The following ZNF329 variants were observed in gnomAD, a reference collection of about 807,000 sequenced individuals.
ZNF329 encodes the protein zinc finger protein 329.
In ZNF329, 15 loss-of-function variants were observed where a neutral mutation model predicts 26.6. The ratio of observed to expected loss-of-function variants is 0.56; its 90% CI spans 0.38 to 0.87. ZNF329 has a LOEUF of 0.87. Among genes scored for constraint, ZNF329 ranks in the 40% least tolerant of loss-of-function variants. ZNF329 has a pLI of 0.00. For missense variants in ZNF329, 651 were observed against 651.9 expected (o/e 1.00, Z 0.02); for synonymous variants, 239 against 233.5 (o/e 1.02, Z -0.21).
At chr19:58,154,756 G>C (rs774206790), upstream of ZNF329, 1 of 151,496 alleles carries the variant, frequency 6.6e-6, no homozygotes, top group Non-Finnish European at 1.5e-5. Context: ...TCCGGGGAAC[G>C]GCTCGGGCGG....
intron 2 of ZNF329, 79 bp from the exon 3 acceptor site, chr19:58,142,740 C>T (rs2075215042): frequency 6.6e-6 from 1 of 152,534 alleles, no homozygotes; most frequent in East Asian, 1.9e-4. Flanking sequence ...CAACTTTAAT[C>T]CCATCCTGAC....
At chr19:58,145,591 G>A (rs538186762) in intron 1 of ZNF329, among the ~76,000 whole-genome samples, 1 of 152,098 alleles carries the variant, frequency 6.6e-6, no homozygotes, top group South Asian at 2.1e-4. Flanking sequence ...CAAGGTGCTG[G>A]GATTATAGGC....
upstream of ZNF329, among the ~76,000 whole-genome samples, chr19:58,151,197 G>A (rs2075446392): frequency 6.6e-6 from 1 of 152,132 alleles, no homozygotes; most frequent in South Asian, 2.1e-4. Flanking sequence ...TGTAAACAAA[G>A]CCAGTAACTT....
upstream of ZNF329, among the ~76,000 whole-genome samples, chr19:58,153,389 C>T (rs1437335014): frequency 3.9e-5 from 6 of 152,124 alleles, no homozygotes; most frequent in Admixed American, 6.5e-5. Context: ...GGATGACAGG[C>T]GTGAGCCACT....
chr19:58,130,417 A>G (rs944669918), intron 3 of ZNF329, among the ~76,000 whole-genome samples: 2 of 152,156 alleles, frequency 1.3e-5, no homozygotes, highest in Non-Finnish European at 2.9e-5. Context: ...TCACGCCTGT[A>G]ATCCCAGCAC....
chr19:58,149,972 A>G (rs767743977), intron 1 of ZNF329, among the ~76,000 whole-genome samples: 3 of 152,216 alleles, frequency 2.0e-5, no homozygotes, highest in Non-Finnish European at 4.4e-5. Flanking sequence ...GGATTAATGA[A>G]TGGCTGAAAG....
chr19:58,152,491 C>T (rs2075474624), upstream of ZNF329, among the ~76,000 whole-genome samples: 1 of 151,736 alleles, frequency 6.6e-6, no homozygotes, highest in Non-Finnish European at 1.5e-5. Flanking sequence ...TCAAAGACTC[C>T]CCCCGCCCCC....
chr19:58,129,604 A>AT (rs1232393091), intron 3 of ZNF329, 93 bp from the exon 4 acceptor site: 46 of 1,121,350 alleles, frequency 4.1e-5, no homozygotes, highest in East Asian at 1.2e-4. Context: ...AAAGATGTGT[A>AT]TTTTTTTACT....
In ZNF329 at chr19:58,130,015, A is replaced by T. The variant is rs547554419; in HGVS notation, c.-8-504T>A. Among the ~76,000 whole-genome samples the T allele has an allele frequency of 4.6e-5, 7 of 152,338 alleles. No individual in the cohort carries two copies. The South Asian group carries it at 1.4e-3, about 32-fold the overall frequency. Reference sequence around the variant, plus strand: ...TGGTGACCTAAAAGTTCTGGGTCTAAGTCTTAGAACTGTCAATGACCTGGC... The same window carrying T: ...TGGTGACCTAAAAGTTCTGGGTCTATGTCTTAGAACTGTCAATGACCTGGC... On this transcript the variant is annotated intron_variant, in intron 3 of 3. Transcript: ENST00000598312.
intron 3 of ZNF329, among the ~76,000 whole-genome samples, chr19:58,140,704 G>A (rs747599576): frequency 2.1e-4 from 31 of 151,190 alleles, no homozygotes; most frequent in Non-Finnish European, 4.6e-4. Context: ...CGTGACCACC[G>A]CGCCCAGCCC....
At chr19:58,130,787 C>A (rs2074922809) in intron 3 of ZNF329, among the ~76,000 whole-genome samples, 1 of 152,052 alleles carries the variant, frequency 6.6e-6, no homozygotes, top group Admixed American at 6.5e-5. Context: ...ATCTTCCTGT[C>A]ACCATCCTTG....
chr19:58,146,796 G>A lies in ZNF329; in HGVS notation c.-207-3598C>T, dbSNP rs1414413173. 9.2e-5 allele frequency among the ~76,000 whole-genome samples: 14 copies of A among 152,014 alleles called. No individual in the cohort carries two copies. In the East Asian group the frequency reaches 1.9e-3, roughly 21 times the overall value. On this transcript the variant is annotated intron_variant, in intron 1 of 3. Transcript: ENST00000598312. ...TCCAGCTCCTAACCACGAGTGATCCGCCAGCCTCGGCCTCCCGAGGTGCCG... is the reference window on the plus strand; with the variant it reads ...TCCAGCTCCTAACCACGAGTGATCCACCAGCCTCGGCCTCCCGAGGTGCCG...
Position 58,129,326 on chromosome 19 carries a change from G to A in ZNF329, c.178C>T (p.Gln60Ter). The change falls in exon 4 of 4, where the codon CAG becomes TAG. Residue 60 changes from glutamine (Q) to a stop codon, truncating the protein, a stop_gained. Transcript: ENST00000598312. LOFTEE classifies it high-confidence loss of function. ...CCAGGATATTCACAAATTGCTTCCTGAGTCCCTGGTTTCTCCAGAGTTAAA... is the reference window on the plus strand; with the variant it reads ...CCAGGATATTCACAAATTGCTTCCTAAGTCCCTGGTTTCTCCAGAGTTAAA... ...SALTLEKPGT[Q>*]EAICEYPGFG... 6.2e-7 allele frequency: 1 copy of A among 1,614,208 alleles called. No individual in the cohort carries two copies. The highest frequency in any genetic ancestry group is 1.3e-5 in the African/African-American group (1 of 75,056).
rs187878356 is a variant in ZNF329, at chr19:58,134,954, C to T, written c.-8-5443G>A. ...CCATCTCAAAAAACAAACAAACAAACAATCAACAACAAAAAAACACAGAGC... is the reference window on the plus strand; with the variant it reads ...CCATCTCAAAAAACAAACAAACAAATAATCAACAACAAAAAAACACAGAGC... On this transcript the variant is annotated intron_variant, in intron 3 of 3. Transcript: ENST00000598312. Among the ~76,000 whole-genome samples, 4 of 151,940 alleles carry T rather than the reference C, an allele frequency of 2.6e-5. No individual in the cohort carries two copies. The East Asian group carries it at 7.7e-4, about 29-fold the overall frequency.
chr19:58,139,623 T>C (rs2075142192), intron 3 of ZNF329, among the ~76,000 whole-genome samples: 1 of 152,144 alleles, frequency 6.6e-6, no homozygotes, highest in Admixed American at 6.6e-5. Flanking sequence ...CGTGACCTAA[T>C]TACCTCCCAC....
chr19:58,154,429 C>A (rs866945129), upstream of ZNF329, among the ~76,000 whole-genome samples: 1 of 152,204 alleles, frequency 6.6e-6, no homozygotes, highest in Non-Finnish European at 1.5e-5. Context: ...TCTGCTCACC[C>A]CAGTCCTCTT....
chr19:58,144,899 G>A (rs1300520080), intron 1 of ZNF329, among the ~76,000 whole-genome samples: 1 of 148,180 alleles, frequency 6.7e-6, no homozygotes, highest in Non-Finnish European at 1.5e-5. Flanking sequence ...ACCCAGGCTG[G>A]AGTGCAGTGG....
At chr19:58,148,053 ATTC>A (rs1239864109) in intron 1 of ZNF329, among the ~76,000 whole-genome samples, 2 of 152,144 alleles carry the variant, frequency 1.3e-5, no homozygotes, top group East Asian at 3.9e-4. Flanking sequence ...ACTAAGAAAA[ATTC>A]TTCTGCCTTG....
rs370805181 is a variant in ZNF329 at position 58,145,779 on chromosome 19, G to A, written c.-207-2581C>T. Among the ~76,000 whole-genome samples, 69 of 151,992 alleles carry A rather than the reference G, an allele frequency of 4.5e-4. No individual in the cohort carries two copies. The South Asian group carries it at 6.3e-3, about 14-fold the overall frequency. Reference sequence around the variant, plus strand: ...TTATCAATTACAGAGGGGAAAAAGCGGAGGATCCTGGCAGAGAGCACTTTA... The same window carrying A: ...TTATCAATTACAGAGGGGAAAAAGCAGAGGATCCTGGCAGAGAGCACTTTA... On this transcript the variant is annotated intron_variant, in intron 1 of 3. Coordinates refer to ENST00000598312, the MANE Select transcript of ZNF329 (RefSeq NM_024620.4).
Sources: allele counts gnomAD v4.1 joint callset (sites outside exome capture counted in the v4.1 genomes callset), GRCh38; gene constraint gnomAD v4.1.1; transcripts MANE v1.5; gene names NCBI Gene and HGNC (gene_info 2026-07-23, HGNC 2026-07-21).